XPNPEP2: variants seen among roughly 807,000 people sequenced by gnomAD.
XPNPEP2 encodes xaa-Pro aminopeptidase 2.
A neutral mutation model predicts 59.8 loss-of-function variants in XPNPEP2; 64 were observed. The ratio of observed to expected loss-of-function variants is 1.07; its 90% CI spans 0.87 to 1.32. The LOEUF (loss-of-function observed/expected upper bound fraction) is 1.32, where lower values mean the gene tolerates loss of function less well. XPNPEP2 is among the 40% of genes most tolerant of loss of function. The pLI is 0.00. For missense variants in XPNPEP2, 575 were observed against 546.8 expected, an observed-to-expected ratio of 1.05 and a Z score of -0.51; for synonymous variants, 235 against 210.0, an observed-to-expected ratio of 1.12 and a Z score of -1.03.
chrX:129,745,158 C>G (rs776873444), intron 3 of XPNPEP2, 45 bp from the exon 4 acceptor site: 11 of 1,204,084 alleles, frequency 9.1e-6, no homozygotes, highest in Non-Finnish European at 1.2e-5. Flanking sequence ...CATGTGGGAT[C>G]TGATACCACG....
chrX:129,767,497 C>A, intron 19 of XPNPEP2, 106 bp from the exon 20 acceptor site: 2 of 828,914 alleles, frequency 2.4e-6, no homozygotes, highest in Non-Finnish European at 3.6e-6. Flanking sequence ...TTGATGAGGC[C>A]CAGCTCCTTG....
intron 14 of XPNPEP2, among the ~76,000 whole-genome samples, chrX:129,757,030 A>G (rs1333460875): frequency 1.0e-5 from 1 of 97,620 alleles, no homozygotes; most frequent in African/African-American, 3.8e-5. Context: ...ATATACACAC[A>G]CACACACATA....
In XPNPEP2 at chrX:129,750,476, T is replaced by A; in HGVS notation, c.646T>A (p.Trp216Arg). ...ALQEAFTGST[W>R]QEKVSGVRSQ... ...GGCTCCTTTGCTTCTAGGGAGCACT[T>A]GGCAGGAGAAAGTATCTGGCGTCCG... The change falls in exon 8 of 21, where the codon TGG becomes AGG. Residue 216 changes from tryptophan (W) to arginine (R), a missense_variant. Coordinates refer to ENST00000371106, the MANE Select transcript of XPNPEP2 (RefSeq NM_003399.6). 8.4e-7 allele frequency: 1 copy of A among 1,194,515 alleles called. No individual in the cohort carries two copies. The highest frequency in any genetic ancestry group is 1.1e-6 in the Non-Finnish European group (1 of 886,552).
rs761240284 is a variant in XPNPEP2, at chrX:129,742,019, C to T, written c.50-89C>T. On this transcript the variant is annotated intron_variant, in intron 1 of 20. Coordinates refer to ENST00000371106, the MANE Select transcript of XPNPEP2 (RefSeq NM_003399.6). ...CTTCGTGCGTTTCAAAGGATGGAGG[C>T]CCCGTGGGGCGGGCTGAGAGGATAC... The T allele has an allele frequency of 4.5e-5, 38 of 850,382 alleles. 1 individual carries two copies. In the South Asian group the frequency reaches 8.1e-4, roughly 18 times the overall value. 70.1% of individuals were successfully genotyped at this position (850,382 alleles called of 1,213,427 possible). A position where few individuals can be genotyped will look rare whatever the true frequency, so the allele number is the denominator to read the frequency against.
intron 15 of XPNPEP2, among the ~76,000 whole-genome samples, chrX:129,760,100 C>T (rs1391789337): frequency 8.9e-6 from 1 of 112,543 alleles, no homozygotes; most frequent in African/African-American, 3.2e-5. Context: ...CTCCCAACAA[C>T]CTTAGGAGCT....
intron 18 of XPNPEP2, 84 bp from the exon 19 acceptor site, chrX:129,762,610 T>C: frequency 1.1e-6 from 1 of 897,823 alleles, no homozygotes; most frequent in Non-Finnish European, 1.6e-6. Flanking sequence ...AGCCAGTCCC[T>C]CCAGCCACTC....
In XPNPEP2 at chrX:129,738,985, C is replaced by T. The variant is rs762842374; in HGVS notation, c.-229C>T. ...TACACGACTAGGAACTTGCACAGTC[C>T]GCCTCGGGCAGCCCAAAGCTCCTCT... On this transcript the variant is annotated 5_prime_UTR_variant, in exon 1 of 21. Coordinates refer to ENST00000371106, the MANE Select transcript of XPNPEP2 (RefSeq NM_003399.6). The T allele has an allele frequency of 1.7e-5, 7 of 418,930 alleles. No individual in the cohort carries two copies. Among genetic ancestry groups the T allele is most frequent in the African/African-American group, 1.0e-4 (4 of 39,823 alleles). The allele number at this position is 418,930 out of a possible 1,213,427, so 34.5% of individuals were successfully genotyped here.
At chrX:129,748,321 C>A (rs1945864566) in intron 7 of XPNPEP2, among the ~76,000 whole-genome samples, 1 of 112,060 alleles carries the variant, frequency 8.9e-6, no homozygotes, top group Non-Finnish European at 1.9e-5. Context: ...ACATCAATAA[C>A]CTTGACCCCG....
At chrX:129,742,817 G>A (rs889497425) in intron 2 of XPNPEP2, among the ~76,000 whole-genome samples, 1 of 112,104 alleles carries the variant, frequency 8.9e-6, no homozygotes, top group African/African-American at 3.3e-5. Context: ...CAGAAGAATT[G>A]CTTGAACCCA....
At chrX:129,748,811 G>A (rs1926344719) in intron 7 of XPNPEP2, among the ~76,000 whole-genome samples, 1 of 111,304 alleles carries the variant, frequency 9.0e-6, no homozygotes, top group Non-Finnish European at 1.9e-5. Context: ...ACCTTCCTGG[G>A]GCTGGAAGGG....
chrX:129,742,185 A>T lies in XPNPEP2; in HGVS notation c.123+4A>T, dbSNP rs1421966764. On this transcript the variant is annotated splice_donor_region_variant and intron_variant, in intron 2 of 20. Transcript: ENST00000371106. ...AAACTGTTCCACCAACCCCCCTGTG[A>T]GTGCCCCCTGCCCCCCGCGCACGGC... 3 of 969,135 alleles carry T rather than the reference A, an allele frequency of 3.1e-6. No homozygotes were observed. The highest frequency in any genetic ancestry group is 2.7e-6 in the Non-Finnish European group (2 of 736,076). The allele number at this position is 969,135 out of a possible 1,213,427, so 79.9% of individuals were successfully genotyped here.
At position 129,761,229 on chromosome X, in the gene XPNPEP2, G is replaced by A; in HGVS notation, c.1556G>A (p.Gly519Asp). 1 of 1,212,122 alleles carries A rather than the reference G, an allele frequency of 8.2e-7. No homozygotes were observed. Among genetic ancestry groups the A allele is most frequent in the Non-Finnish European group, 1.1e-6 (1 of 895,582 alleles). ...RALWDAGLNYGHGTGHGIGNF... is the reference protein window; with the variant it reads ...RALWDAGLNYDHGTGHGIGNF... ...TTGTGGGATGCTGGTCTCAATTATG[G>A]TCATGGGACAGGCCACGGCATTGGC... The change falls in exon 17 of 21, where the codon GGT (glycine) becomes GAT (aspartate). Residue 519 changes from glycine to aspartate, a missense_variant. Gly to Asp is a moderately conservative substitution (Grantham distance 94). Transcript: ENST00000371106.
intron 2 of XPNPEP2, 128 bp from the exon 3 acceptor site, chrX:129,743,833 C>T: frequency 1.7e-6 from 1 of 580,641 alleles, no homozygotes; most frequent in South Asian, 2.8e-5. Flanking sequence ...GCCAGCCTAA[C>T]TTCCCCCAAC....
chrX:129,758,952 G>T (rs1221211960), intron 14 of XPNPEP2, among the ~76,000 whole-genome samples: 1 of 111,375 alleles, frequency 9.0e-6, no homozygotes, highest in Non-Finnish European at 1.9e-5. Flanking sequence ...TGTGTAGGGT[G>T]GGGAGTCACA....
intron 1 of XPNPEP2, among the ~76,000 whole-genome samples, chrX:129,741,176 G>T (rs1171135388): frequency 9.7e-6 from 1 of 102,891 alleles, no homozygotes; most frequent in Non-Finnish European, 2.0e-5. Context: ...GAATATTGGG[G>T]GGGGGTCACT....
chrX:129,762,648 G>T, intron 18 of XPNPEP2, 46 bp from the exon 19 acceptor site: 1 of 1,146,027 alleles, frequency 8.7e-7, no homozygotes, highest in Non-Finnish European at 1.2e-6. Context: ...GCCTGGGCTT[G>T]GGCCCTCTCC....
Position 129,739,140 on chromosome X carries a change from G to C in XPNPEP2, c.-74G>C. 9.2e-7 allele frequency: 1 copy of C among 1,090,384 alleles called. No homozygotes were observed. The highest frequency in any genetic ancestry group is 1.2e-6 in the Non-Finnish European group (1 of 802,217). 89.9% of individuals were successfully genotyped at this position (1,090,384 alleles called of 1,213,427 possible). Reference sequence around the variant, plus strand: ...GCTCGAGCCCAGGAAAGGCCTGAAGGAAGAGGCCGGGGAAAGAGCCCTCCC... The same window carrying C: ...GCTCGAGCCCAGGAAAGGCCTGAAGCAAGAGGCCGGGGAAAGAGCCCTCCC... On this transcript the variant is annotated 5_prime_UTR_variant, in exon 1 of 21. Transcript: ENST00000371106.
intron 18 of XPNPEP2, among the ~76,000 whole-genome samples, 156 bp downstream of exon 18, chrX:129,762,221 A>G (rs1190200804): frequency 1.8e-5 from 2 of 111,094 alleles, no homozygotes; most frequent in African/African-American, 3.3e-5. Context: ...CCCAGCCCCA[A>G]ATGGCTTGTC....
intron 6 of XPNPEP2, 109 bp downstream of exon 6, chrX:129,746,790 A>G (rs1569475948): frequency 5.9e-6 from 4 of 681,970 alleles, no homozygotes; most frequent in Non-Finnish European, 9.4e-6. Flanking sequence ...GTGGGACTAT[A>G]AAGATAGAGC....
Sources: gnomAD v4.1 joint callset for allele counts (sites outside exome capture counted in the v4.1 genomes callset) on GRCh38, gnomAD v4.1.1 for gene constraint, MANE v1.5 for transcripts, NCBI Gene and HGNC (gene_info 2026-07-23, HGNC 2026-07-21) for gene names.